The following PPP1R17 variants were observed in gnomAD, a reference collection of about 807,000 sequenced individuals.
The protein encoded by PPP1R17 is protein phosphatase 1 regulatory subunit 17, also known as G-substrate.
Under a neutral mutation model 15.9 loss-of-function variants are expected in PPP1R17, and 12 were observed. The ratio of observed to expected loss-of-function variants is 0.75; its 90% CI spans 0.48 to 1.22. The LOEUF (loss-of-function observed/expected upper bound fraction) is 1.22, where lower values mean the gene tolerates loss of function less well. Ranked by LOEUF, PPP1R17 falls within the 50% of genes most tolerant of loss-of-function variation. The pLI, the probability that PPP1R17 is intolerant of heterozygous loss-of-function variation, is 0.00. For synonymous variants in PPP1R17, 63 were observed against 64.5 expected (o/e 0.98, Z 0.11); for missense variants, 211 against 187.3 (o/e 1.13, Z -0.74).
At chr7:31,705,743 G>GT (rs1793039361) in intron 4 of PPP1R17, among the ~76,000 whole-genome samples, 1 of 151,716 alleles carries the variant, frequency 6.6e-6, no homozygotes, top group African/African-American at 2.4e-5. Context: ...TGGACTGGAA[G>GT]GCGTCTCATT....
chr7:31,691,997 C>T (rs938782473), intron 1 of PPP1R17, among the ~76,000 whole-genome samples: 1 of 152,132 alleles, frequency 6.6e-6, no homozygotes, highest in Non-Finnish European at 1.5e-5. Context: ...TCTGTCTCCT[C>T]ATCTGTGAAG....
chr7:31,695,829 AT>A (rs58334230), intron 3 of PPP1R17: 144,328 of 394,336 alleles, frequency 0.37, 30,440 homozygotes, highest in East Asian at 0.69. Context: ...ATAAAAGTTT[AT>A]TTTTTTTACC....
chr7:31,699,882 G>A lies in PPP1R17; in HGVS notation c.388+2765G>A, dbSNP rs115026811. Among the ~76,000 whole-genome samples, 197 of 151,968 alleles carry A rather than the reference G, an allele frequency of 1.3e-3. 1 individual carries two copies. The highest frequency in any genetic ancestry group is 4.5e-3 in the African/African-American group (185 of 41,418). ...ATTGTTTTGGGGTGCCACAGACCTC[G>A]CCCATATAAGACTGTTAACTTAATC... is the stretch of plus-strand genomic sequence containing the variant. On this transcript the variant is annotated intron_variant, in intron 4 of 4. Coordinates refer to ENST00000342032, the MANE Select transcript of PPP1R17 (RefSeq NM_006658.5).
At chr7:31,704,842 G>A (rs576955137) in intron 4 of PPP1R17, among the ~76,000 whole-genome samples, 101 of 152,216 alleles carry the variant, frequency 6.6e-4, no homozygotes, top group Middle Eastern at 3.4e-3. Flanking sequence ...GTGCACCTCT[G>A]CTTCCCCTGA....
intron 4 of PPP1R17, among the ~76,000 whole-genome samples, chr7:31,700,667 T>C (rs1429537293): frequency 6.6e-6 from 1 of 152,194 alleles, no homozygotes; most frequent in Non-Finnish European, 1.5e-5. Context: ...TGTCAATGCC[T>C]GGCTTCAAAA....
intron 3 of PPP1R17, 81 bp from the exon 4 acceptor site, chr7:31,696,884 G>A (rs992322889): frequency 4.8e-6 from 7 of 1,458,814 alleles, no homozygotes; most frequent in Non-Finnish European, 5.6e-6. Context: ...TTCACCAGAT[G>A]TCTATAAATA....
At chr7:31,690,704 C>T (rs555987079) in intron 1 of PPP1R17, among the ~76,000 whole-genome samples, 1 of 152,308 alleles carries the variant, frequency 6.6e-6, no homozygotes, top group Admixed American at 6.5e-5. Context: ...TAAAAACCGC[C>T]TTACCTTTCA....
rs36047130 is a variant in PPP1R17, at chr7:31,692,470, T to G, written c.29T>G (p.Leu10Arg). 0.015 allele frequency: 24,328 copies of G among 1,611,986 alleles called. 387 individuals carry two copies. The highest frequency in any genetic ancestry group is 0.069 in the Middle Eastern group (418 of 6,056). ...ATGTCCACTGAGCAAATGCAGCCAC[T>G]GGAACTCTCAGAAGACAGACTGGAC... MMSTEQMQPLELSEDRLDKL... is the reference protein window; with the variant it reads MMSTEQMQPRELSEDRLDKL... Residue 10 changes from leucine to arginine, a missense_variant, in exon 2 of 5, where the codon CTG (leucine) becomes CGG (arginine). Coordinates refer to ENST00000342032, the MANE Select transcript of PPP1R17 (RefSeq NM_006658.5).
At position 31,695,610 on chromosome 7, in the gene PPP1R17, C is replaced by A; in HGVS notation, c.224C>A (p.Pro75His). The A allele has an allele frequency of 6.2e-7, 1 of 1,612,174 alleles. No homozygotes were observed. Residue 75 changes from proline to histidine, a missense_variant, in exon 3 of 5, where the codon CCT becomes CAT. Transcript: ENST00000342032. ...GATACACCGGCGCTGCACATCCCACCTTTCATACCAGGTAATGGACAAAGT... is the reference window on the plus strand; with the variant it reads ...GATACACCGGCGCTGCACATCCCACATTTCATACCAGGTAATGGACAAAGT... ...RKDTPALHIP[P>H]FIPGVFSEHL...
At chr7:31,698,169 T>C (rs909805639) in intron 4 of PPP1R17, among the ~76,000 whole-genome samples, 2 of 152,214 alleles carry the variant, frequency 1.3e-5, no homozygotes, top group South Asian at 2.1e-4. Context: ...TTGGCTGTTG[T>C]TATAAAACTA....
Position 31,699,641 on chromosome 7 carries a change from G to GT in PPP1R17, c.388+2534dup, listed in dbSNP as rs796251946. ...TTTTTGTGCTTTTCAGATATTGGTG[G>GT]TTTTTTTTTTAACCAAATTGGATGT... On this transcript the variant is annotated intron_variant, in intron 4 of 4. Coordinates refer to ENST00000342032, the MANE Select transcript of PPP1R17 (RefSeq NM_006658.5). 1.6e-3 allele frequency among the ~76,000 whole-genome samples: 239 copies of GT among 147,742 alleles called. 1 individual carries two copies. The highest frequency in any genetic ancestry group is 4.0e-3 in the East Asian group (20 of 5,058).
At position 31,707,235 on chromosome 7, in the gene PPP1R17, A is replaced by T. The variant is rs1793105827; in HGVS notation, c.420A>T (p.Lys140Asn). 3.7e-6 allele frequency: 6 copies of T among 1,614,096 alleles called. No individual in the cohort carries two copies. The highest frequency in any genetic ancestry group is 1.3e-5 in the African/African-American group (1 of 75,054). ...CATTGCTCAGGGACGAGAGACCCAA[A>T]GCAATCGTGGAAGATGACGAAAAGG... ...GVTLLRDERPKAIVEDDEKDG... is the reference protein window; with the variant it reads ...GVTLLRDERPNAIVEDDEKDG... The change falls in exon 5 of 5, where the codon AAA (lysine) becomes AAT (asparagine). Residue 140 changes from lysine (K) to asparagine (N), a missense_variant. Lys to Asn is a moderately conservative substitution (Grantham distance 94). Transcript: ENST00000342032.
At chr7:31,702,104 C>A (rs768581506) in intron 4 of PPP1R17, among the ~76,000 whole-genome samples, 1 of 152,100 alleles carries the variant, frequency 6.6e-6, no homozygotes, top group East Asian at 1.9e-4. Context: ...CTGGTACTAC[C>A]TATTAGTCTT....
intron 2 of PPP1R17, among the ~76,000 whole-genome samples, chr7:31,692,986 A>G (rs1792421813): frequency 6.6e-6 from 1 of 152,190 alleles, no homozygotes; most frequent in Non-Finnish European, 1.5e-5. Context: ...TTTCCTTTCC[A>G]GAACTGACTT....
chr7:31,694,382 T>A (rs1326954049), intron 2 of PPP1R17, among the ~76,000 whole-genome samples: 5,268 of 104,468 alleles, frequency 0.05, 305 homozygotes, highest in African/African-American at 0.2. Flanking sequence ...TCTCTCTCTC[T>A]CTCAAACACA....
chr7:31,702,873 A>G (rs954263580), intron 4 of PPP1R17, among the ~76,000 whole-genome samples: 1 of 152,206 alleles, frequency 6.6e-6, no homozygotes, highest in African/African-American at 2.4e-5. Context: ...TCGTGCTTGT[A>G]TCTGTTTTTA....
rs2128250437 is a variant in PPP1R17, at chr7:31,707,330, T to C, written c.*47T>C. The C allele has an allele frequency of 6.7e-7, 1 of 1,501,482 alleles. No individual in the cohort carries two copies. The highest frequency in any genetic ancestry group is 9.2e-7 in the Non-Finnish European group (1 of 1,091,406). 93.0% of individuals were successfully genotyped at this position (1,501,482 alleles called of 1,614,324 possible). On this transcript the variant is annotated 3_prime_UTR_variant, in exon 5 of 5. Coordinates refer to ENST00000342032, the MANE Select transcript of PPP1R17 (RefSeq NM_006658.5). ...TTGTAAATAGGTTAGATTGGTTCCCTGTGGTGACCTAGAGAAAAAATAGAC... is the reference window on the plus strand; with the variant it reads ...TTGTAAATAGGTTAGATTGGTTCCCCGTGGTGACCTAGAGAAAAAATAGAC...
intron 1 of PPP1R17, 86 bp from the exon 2 acceptor site, chr7:31,692,320 G>A (rs1484702033): frequency 2.6e-6 from 2 of 779,288 alleles, no homozygotes; most frequent in African/African-American, 1.7e-5. Flanking sequence ...AATAGCAGGT[G>A]CTCAACAAAT....
chr7:31,695,526 G>A lies in PPP1R17; in HGVS notation c.140G>A (p.Gly47Glu), dbSNP rs766781570. 40 of 1,613,318 alleles carry A rather than the reference G, an allele frequency of 2.5e-5. No homozygotes were observed. In the Admixed American group the frequency reaches 6.3e-4, roughly 26 times the overall value. ...DCDLKKKPRK[G>E]KNVQATLNVE... The stretch of plus-strand genomic sequence containing the variant: ...GATCTCAAAAAGAAGCCTAGAAAGG[G>A]AAAAAATGTACAGGCCACCCTGAAT... Residue 47 changes from glycine (G) to glutamate (E), a missense_variant, in exon 3 of 5, where the codon GGA becomes GAA. By Grantham distance (98) the Gly-to-Glu change is moderately conservative. Coordinates refer to ENST00000342032, the MANE Select transcript of PPP1R17 (RefSeq NM_006658.5).
Sources: allele counts gnomAD v4.1 joint callset (sites outside exome capture counted in the v4.1 genomes callset), GRCh38; gene constraint gnomAD v4.1.1; transcripts MANE v1.5; gene names NCBI Gene and HGNC (gene_info 2026-07-23, HGNC 2026-07-21).